Variants in TACR3 observed in about 807,000 individuals in gnomAD.
TACR3 encodes the protein neuromedin-K receptor.
Under a neutral mutation model 35.0 loss-of-function variants are expected in TACR3, and 34 were observed. That is an observed-to-expected ratio of 0.97 (90% confidence interval 0.74 to 1.30). The LOEUF is 1.30. TACR3 is among the 50% of genes most tolerant of loss of function. The probability of loss-of-function intolerance (pLI) is 0.00; values close to 1 mark genes in which losing one functional copy is unlikely to be tolerated. For missense variants in TACR3, 558 were observed against 591.7 expected, an observed-to-expected ratio of 0.94 and a Z score of 0.59; for synonymous variants, 233 against 221.1, an observed-to-expected ratio of 1.05 and a Z score of -0.48.
At chr4:103,602,664 T>C (rs1724237461) in intron 3 of TACR3, among the ~76,000 whole-genome samples, 1 of 152,214 alleles carries the variant, frequency 6.6e-6, no homozygotes, top group Non-Finnish European at 1.5e-5. Flanking sequence ...CTGCAGACCC[T>C]GTTTGCCTGG....
At position 103,639,477 on chromosome 4, in the gene TACR3, A is replaced by T. The variant is rs183405728; in HGVS notation, c.888+16717T>A. Among the ~76,000 whole-genome samples, 671 of 152,174 alleles carry T rather than the reference A, an allele frequency of 4.4e-3. 4 individuals carry two copies. The highest frequency in any genetic ancestry group is 0.015 in the African/African-American group (636 of 41,512). On this transcript the variant is annotated intron_variant, in intron 3 of 4. Transcript: ENST00000304883. ...GAGGGGGGAGGGATAGCATTGGAAGATATACCTAGTGCTAAATGACGAGTT... is the reference window on the plus strand; with the variant it reads ...GAGGGGGGAGGGATAGCATTGGAAGTTATACCTAGTGCTAAATGACGAGTT...
chr4:103,697,045 C>T (rs1363308851), intron 1 of TACR3, among the ~76,000 whole-genome samples: 3 of 152,130 alleles, frequency 2.0e-5, no homozygotes, highest in African/African-American at 7.2e-5. Context: ...TCCCAAAGCG[C>T]TGGGATTACA....
At chr4:103,685,030 A>T (rs1196475687) in intron 1 of TACR3, among the ~76,000 whole-genome samples, 1 of 149,416 alleles carries the variant, frequency 6.7e-6, no homozygotes, top group Non-Finnish European at 1.5e-5. Context: ...TAAATAAATA[A>T]AATGTATATT....
At chr4:103,633,171 A>G (rs1725105554) in intron 3 of TACR3, among the ~76,000 whole-genome samples, 1 of 152,096 alleles carries the variant, frequency 6.6e-6, no homozygotes, top group South Asian at 2.1e-4. Flanking sequence ...TTATATCATC[A>G]GATAGCTAAC....
intron 1 of TACR3, among the ~76,000 whole-genome samples, chr4:103,668,752 G>A (rs1223852570): frequency 1.3e-5 from 2 of 151,812 alleles, no homozygotes; most frequent in East Asian, 3.9e-4. Context: ...AGGAGGCTGA[G>A]GCAGGAGAAT....
Position 103,588,699 on chromosome 4 carries a change from T to C in TACR3, c.*983A>G, listed in dbSNP as rs1214827668. Reference sequence around the variant, plus strand: ...CTAGTTTACTCATATGTAACATATATTGGTATTTTTCAACCATATAGTCTT... The same window carrying C: ...CTAGTTTACTCATATGTAACATATACTGGTATTTTTCAACCATATAGTCTT... On this transcript the variant is annotated 3_prime_UTR_variant, in exon 5 of 5. Coordinates refer to ENST00000304883, the MANE Select transcript of TACR3 (RefSeq NM_001059.3). 6.6e-6 allele frequency: 1 copy of C among 152,154 alleles called. No individual in the cohort carries two copies. The highest frequency in any genetic ancestry group is 6.5e-5 in the Admixed American group (1 of 15,270). 9.4% of individuals were successfully genotyped at this position (152,154 alleles called of 1,614,324 possible). A position where few individuals can be genotyped will look rare whatever the true frequency, so the allele number is the denominator to read the frequency against.
At chr4:103,591,427 G>T (rs1433954125) in intron 4 of TACR3, 60 bp downstream of exon 4, 3 of 1,581,424 alleles carry the variant, frequency 1.9e-6, no homozygotes, top group Non-Finnish European at 1.7e-6. Context: ...GAACAACATT[G>T]TATGTTTCCA....
intron 1 of TACR3, among the ~76,000 whole-genome samples, chr4:103,685,913 A>G (rs1722217365): frequency 1.3e-5 from 2 of 152,162 alleles, no homozygotes; most frequent in African/African-American, 4.8e-5. Context: ...TATGAGAACT[A>G]CTAGCTCTGC....
chr4:103,603,678 G>A (rs564507118), intron 3 of TACR3, among the ~76,000 whole-genome samples: 4 of 152,270 alleles, frequency 2.6e-5, no homozygotes, highest in African/African-American at 7.2e-5. Context: ...AATCCTTTGG[G>A]TATATACCCA....
chr4:103,668,676 C>T (rs78227593), intron 1 of TACR3, among the ~76,000 whole-genome samples: 4 of 151,664 alleles, frequency 2.6e-5, no homozygotes, highest in East Asian at 1.9e-4. Context: ...GGTGAAACCC[C>T]GTCTCTACTA....
At chr4:103,643,745 GC>G (rs1725404121) in intron 3 of TACR3, among the ~76,000 whole-genome samples, 1 of 151,800 alleles carries the variant, frequency 6.6e-6, no homozygotes, top group African/African-American at 2.4e-5. Flanking sequence ...TTGTGTGTGT[GC>G]CTGTGTGTAT....
In TACR3 at chr4:103,621,827, A is replaced by G. The variant is rs1200228552; in HGVS notation, c.889-30144T>C. On this transcript the variant is annotated intron_variant, in intron 3 of 4. Coordinates refer to ENST00000304883, the MANE Select transcript of TACR3 (RefSeq NM_001059.3). ...GGTGGTTAATAAAATTTTAATCTCA[A>G]GCTCAGGGCCTAAACCTAGAGAAAT... Among the ~76,000 whole-genome samples, 4 of 152,336 alleles carry G rather than the reference A, an allele frequency of 2.6e-5. No homozygotes were observed. The East Asian group carries it at 7.7e-4, about 29-fold the overall frequency.
At chr4:103,710,876 A>T (rs1310966075) in intron 1 of TACR3, among the ~76,000 whole-genome samples, 1 of 152,214 alleles carries the variant, frequency 6.6e-6, no homozygotes, top group African/African-American at 2.4e-5. Flanking sequence ...CTACGCAAAT[A>T]AACTAGAAAA....
chr4:103,607,256 A>G (rs76051369), intron 3 of TACR3, among the ~76,000 whole-genome samples: 1 of 152,088 alleles, frequency 6.6e-6, no homozygotes, highest in Non-Finnish European at 1.5e-5. Flanking sequence ...ATCATTGCCT[A>G]TGCATTATTC....
At chr4:103,605,514 G>T (rs527631534) in intron 3 of TACR3, among the ~76,000 whole-genome samples, 5 of 144,354 alleles carry the variant, frequency 3.5e-5, no homozygotes, top group Non-Finnish European at 6.1e-5. Flanking sequence ...TTTAATGATT[G>T]CCATTCTAAC....
intron 3 of TACR3, among the ~76,000 whole-genome samples, chr4:103,613,925 A>G (rs541112766): frequency 6.2e-4 from 94 of 152,214 alleles, no homozygotes; most frequent in Non-Finnish European, 1.0e-3. Flanking sequence ...CAGAAAGAGA[A>G]TGAATGAGTG....
chr4:103,611,919 A>G (rs929313975), intron 3 of TACR3, among the ~76,000 whole-genome samples: 1 of 152,172 alleles, frequency 6.6e-6, no homozygotes, highest in Non-Finnish European at 1.5e-5. Flanking sequence ...AATAAGTCTT[A>G]TATCTTTTAA....
chr4:103,630,688 C>A (rs753597729), intron 3 of TACR3, among the ~76,000 whole-genome samples: 1 of 152,116 alleles, frequency 6.6e-6, no homozygotes, highest in Admixed American at 6.6e-5. Flanking sequence ...ACAACAGATG[C>A]TGGAGGAGAT....
chr4:103,638,833 G>GA (rs1372182447), intron 3 of TACR3, among the ~76,000 whole-genome samples: 1 of 152,042 alleles, frequency 6.6e-6, no homozygotes, highest in Non-Finnish European at 1.5e-5. Flanking sequence ...AAAAACACAT[G>GA]AAAAAATGCT....
Sources: gnomAD v4.1 joint callset for allele counts (sites outside exome capture counted in the v4.1 genomes callset) on GRCh38, gnomAD v4.1.1 for gene constraint, MANE v1.5 for transcripts, NCBI Gene and HGNC (gene_info 2026-07-23, HGNC 2026-07-21) for gene names.